Variants in TFDP2 observed in about 807,000 individuals in gnomAD.
TFDP2 encodes transcription factor Dp-2 (E2F dimerization partner 2).
In TFDP2, 17 loss-of-function variants were observed where a neutral mutation model predicts 59.3. The observed-to-expected ratio is 0.29, with a 90% CI of 0.20 to 0.43. The LOEUF is 0.43. Among genes scored for constraint, TFDP2 ranks in the 20% least tolerant of loss-of-function variants. TFDP2 has a pLI of 1.00. For missense variants in TFDP2, 391 were observed against 528.8 expected, an observed-to-expected ratio of 0.74 and a Z score of 2.56; for synonymous variants, 180 against 194.7, an observed-to-expected ratio of 0.92 and a Z score of 0.63.
intron 3 of TFDP2, among the ~76,000 whole-genome samples, chr3:142,038,322 T>G (rs1946785701): frequency 7.1e-6 from 1 of 141,280 alleles, no homozygotes; most frequent in African/African-American, 2.7e-5. Flanking sequence ...AGGCAGAGCT[T>G]GCAGTGAGGT....
At position 141,993,527 on chromosome 3, in the gene TFDP2, C is replaced by A; in HGVS notation, c.356+11G>T. ...AAATCTTCCAAACAAAATAGTTAGA[C>A]TTATACTCACCTTTCTGAAAAATCA... On this transcript the variant is annotated intron_variant, in intron 6 of 12. Coordinates refer to ENST00000489671, the MANE Select transcript of TFDP2 (RefSeq NM_001178139.2). 1 of 1,564,568 alleles carries A rather than the reference C, an allele frequency of 6.4e-7. No individual in the cohort carries two copies. Among genetic ancestry groups the A allele is most frequent in the South Asian group, 1.2e-5 (1 of 85,362 alleles).
chr3:142,139,583 A>C (rs2062861647), intron 1 of TFDP2, among the ~76,000 whole-genome samples: 1 of 152,184 alleles, frequency 6.6e-6, no homozygotes, highest in African/African-American at 2.4e-5. Context: ...ATCTCTCAGC[A>C]TTTGTCTGTC....
chr3:141,978,663 C>T lies in TFDP2; in HGVS notation c.376G>A (p.Asp126Asn), dbSNP rs753885153. 17 of 1,608,396 alleles carry T rather than the reference C, an allele frequency of 1.1e-5. No homozygotes were observed. The Admixed American group carries it at 1.2e-4, about 11-fold the overall frequency. The change falls in exon 7 of 13, where the codon GAT becomes AAT. Residue 126 changes from aspartate (D) to asparagine (N), a missense_variant. Coordinates refer to ENST00000489671, the MANE Select transcript of TFDP2 (RefSeq NM_001178139.2). ...TGTCTCAAGCCTTTCCCATTTTTAT[C>T]TCCTTTTTTGCTTCGTTTACTAGAA... ...FSESKRSKKG[D>N]KNGKGLRHFS...
intron 1 of TFDP2, among the ~76,000 whole-genome samples, chr3:142,110,774 T>C (rs541122181): frequency 6.6e-6 from 1 of 151,822 alleles, no homozygotes; most frequent in Admixed American, 6.6e-5. Context: ...CAAAATAGTA[T>C]GATCCTATCT....
Position 142,005,468 on chromosome 3 carries a change from T to C in TFDP2, c.159A>G (p.Pro53=). The change falls in exon 4 of 13, where the codon CCA becomes CCG. Residue 53 remains proline, a synonymous_variant. Coordinates refer to ENST00000489671, the MANE Select transcript of TFDP2 (RefSeq NM_001178139.2). ...PTKILPKTLG[P]INVNVGPQMI... is the part of the protein sequence containing the mutation. ...TTTGGGGTCCAACATTCACATTTATTGGTCCTAAGGTTTTTGGTAAAATCT... is the reference window on the plus strand; with the variant it reads ...TTTGGGGTCCAACATTCACATTTATCGGTCCTAAGGTTTTTGGTAAAATCT... The C allele has an allele frequency of 6.2e-7, 1 of 1,611,028 alleles. No homozygotes were observed. The highest frequency in any genetic ancestry group is 1.1e-5 in the South Asian group (1 of 90,296).
At chr3:142,044,060 C>CT (rs1455997963) in intron 3 of TFDP2, 1 of 652,862 alleles carries the variant, frequency 1.5e-6, no homozygotes, top group Non-Finnish European at 2.8e-6. Context: ...ATCAGCTCAT[C>CT]TTTGATCAGC....
chr3:142,128,158 C>T (rs1177094255), intron 1 of TFDP2, among the ~76,000 whole-genome samples: 1 of 152,128 alleles, frequency 6.6e-6, no homozygotes, highest in Non-Finnish European at 1.5e-5. Flanking sequence ...GCTATAATCA[C>T]ACCACTGCAC....
At chr3:142,091,256 A>ATCC (rs1462861148) in intron 3 of TFDP2, among the ~76,000 whole-genome samples, 1 of 152,172 alleles carries the variant, frequency 6.6e-6, no homozygotes, top group East Asian at 1.9e-4. Context: ...AGGAGCATTG[A>ATCC]GGCTTAAAGT....
chr3:142,052,311 G>A (rs988357884), intron 3 of TFDP2, among the ~76,000 whole-genome samples: 2 of 152,106 alleles, frequency 1.3e-5, no homozygotes, highest in Non-Finnish European at 2.9e-5. Context: ...GCCAAGGCGG[G>A]CAGATCACAA....
At chr3:142,082,864 G>A (rs533149240) in intron 3 of TFDP2, among the ~76,000 whole-genome samples, 17 of 152,136 alleles carry the variant, frequency 1.1e-4, no homozygotes, top group Admixed American at 7.2e-4. Context: ...CAGAAGGAAC[G>A]TACCTCAACA....
chr3:141,961,345 G>C (rs1937342856), intron 10 of TFDP2, among the ~76,000 whole-genome samples: 1 of 147,284 alleles, frequency 6.8e-6, no homozygotes, highest in African/African-American at 2.5e-5. Flanking sequence ...CTGGGTTCAA[G>C]TGATTCTCCT....
In TFDP2 at chr3:141,952,496, T is replaced by G. The variant is rs372295266; in HGVS notation, c.*17A>C. 1 of 1,513,390 alleles carries G rather than the reference T, an allele frequency of 6.6e-7. No homozygotes were observed. The highest frequency in any genetic ancestry group is 8.8e-7 in the Non-Finnish European group (1 of 1,139,152). 93.7% of individuals were successfully genotyped at this position (1,513,390 alleles called of 1,614,324 possible). ...CACATGAGCATCACATATTGAAACG[T>G]AGGCTTTCTCTTGTCTTTATTCTGG... On this transcript the variant is annotated 3_prime_UTR_variant, in exon 13 of 13. Coordinates refer to ENST00000489671, the MANE Select transcript of TFDP2 (RefSeq NM_001178139.2).
chr3:141,970,830 G>C (rs1305697229), intron 8 of TFDP2, among the ~76,000 whole-genome samples: 1 of 151,662 alleles, frequency 6.6e-6, no homozygotes, highest in Non-Finnish European at 1.5e-5. Context: ...GGGAGGCCGA[G>C]GGGGGAGAAT....
chr3:142,146,351 T>A (rs2063174721), intron 1 of TFDP2, among the ~76,000 whole-genome samples: 1 of 152,154 alleles, frequency 6.6e-6, no homozygotes, highest in Non-Finnish European at 1.5e-5. Context: ...CATACATACA[T>A]AGTACTGGGA....
chr3:142,035,585 CTG>C (rs1946657707), intron 3 of TFDP2, among the ~76,000 whole-genome samples: 1 of 152,190 alleles, frequency 6.6e-6, no homozygotes, highest in Admixed American at 6.5e-5. Context: ...AGTGGTAAAA[CTG>C]AGATTCTAAC....
intron 3 of TFDP2, among the ~76,000 whole-genome samples, chr3:142,012,736 T>C (rs2108305449): frequency 6.6e-6 from 1 of 152,276 alleles, no homozygotes; most frequent in African/African-American, 2.4e-5. Context: ...AAACTACAAA[T>C]TTAATAGTGG....
intron 10 of TFDP2, among the ~76,000 whole-genome samples, chr3:141,962,890 T>C (rs1331819131): frequency 6.6e-6 from 1 of 152,244 alleles, no homozygotes; most frequent in African/African-American, 2.4e-5. Context: ...TTCTTTTGCA[T>C]TAATAAATCC....
At chr3:142,099,646 G>A (rs960464056) in intron 2 of TFDP2, among the ~76,000 whole-genome samples, 2 of 151,412 alleles carry the variant, frequency 1.3e-5, no homozygotes, top group Non-Finnish European at 1.5e-5. Flanking sequence ...GTTGCAGTGA[G>A]CTGAGATTGT....
intron 9 of TFDP2, among the ~76,000 whole-genome samples, chr3:141,968,383 C>CATATATATA (rs1938553563): frequency 9.5e-6 from 1 of 105,034 alleles, no homozygotes. Context: ...ACATATATCT[C>CATATATATA]ATATATATAA....
Sources: gnomAD v4.1 joint callset for allele counts (sites outside exome capture counted in the v4.1 genomes callset) on GRCh38, gnomAD v4.1.1 for gene constraint, MANE v1.5 for transcripts, NCBI Gene and HGNC (gene_info 2026-07-23, HGNC 2026-07-21) for gene names.